The following TRRAP variants were observed in gnomAD, a reference collection of about 807,000 sequenced individuals.
TRRAP encodes transformation/transcription domain-associated protein.
Under a neutral mutation model 438.8 loss-of-function variants are expected in TRRAP, and 41 were observed. The ratio of observed to expected loss-of-function variants is 0.09; its 90% CI spans 0.07 to 0.12. The LOEUF (loss-of-function observed/expected upper bound fraction) is 0.12. TRRAP is among the 10% of genes least tolerant of loss of function. The pLI, the probability that TRRAP is intolerant of heterozygous loss-of-function variation, is 1.00. For synonymous variants in TRRAP, 1,994 were observed against 1,962.9 expected (o/e 1.02, Z -0.42); for missense variants, 3,122 against 5,055.1 (o/e 0.62, Z 11.60).
chr7:98,923,246 C>G (rs1315554035), intron 21 of TRRAP, among the ~76,000 whole-genome samples: 2 of 152,090 alleles, frequency 1.3e-5, no homozygotes, highest in Non-Finnish European at 2.9e-5. Context: ...CAAAAAATTC[C>G]CTTTAGAAGT....
chr7:99,005,121 G>C lies in TRRAP; in HGVS notation c.10536-10G>C, dbSNP rs776484890. 1 of 1,612,656 alleles carries C rather than the reference G, an allele frequency of 6.2e-7. No individual in the cohort carries two copies. The highest frequency in any genetic ancestry group is 2.2e-5 in the East Asian group (1 of 44,890). ...GCAGGGCATGTCCTCATGGCTTCTC[G>C]CTCTGGCAGGTTCATGCCCCGGGTA... On this transcript the variant is annotated splice_polypyrimidine_tract_variant and intron_variant, in intron 68 of 72. Transcript: ENST00000456197. This position sits in a 1 kb window ranked among gnomAD's most constrained non-coding sequence, Gnocchi z 5.1.
intron 62 of TRRAP, among the ~76,000 whole-genome samples, chr7:98,987,631 G>A (rs1793209220): frequency 6.6e-6 from 1 of 152,220 alleles, no homozygotes; most frequent in African/African-American, 2.4e-5. Flanking sequence ...ACTGCAGGTA[G>A]AGATGGACTG....
intron 3 of TRRAP, among the ~76,000 whole-genome samples, chr7:98,884,389 C>G (rs1175350335): frequency 3.9e-5 from 6 of 152,076 alleles, no homozygotes; most frequent in African/African-American, 1.4e-4. Flanking sequence ...TGTGCACCAC[C>G]ATGCCCCACT....
chr7:98,972,322 C>T (rs983635937), intron 53 of TRRAP, among the ~76,000 whole-genome samples: 10 of 152,038 alleles, frequency 6.6e-5, no homozygotes, highest in African/African-American at 1.9e-4. Flanking sequence ...GGATTATAGG[C>T]GTGAAGCAGA....
In TRRAP at chr7:98,994,312, G is replaced by A. The variant is rs560128588; in HGVS notation, c.10048-275G>A. On this transcript the variant is annotated intron_variant, in intron 66 of 72. Coordinates refer to ENST00000456197, the MANE Select transcript of TRRAP (RefSeq NM_001375524.1). This position sits in a 1 kb window ranked among gnomAD's most constrained non-coding sequence, Gnocchi z 4.8. ...AGGGGTTTTGTGGCTAATCGCAGAC[G>A]GGTGTATGATCCAAAAAAGTGGGGC... 8.1e-4 allele frequency among the ~76,000 whole-genome samples: 123 copies of A among 152,282 alleles called. 1 individual carries two copies. Among genetic ancestry groups the A allele is most frequent in the African/African-American group, 2.9e-3 (119 of 41,564 alleles).
intron 58 of TRRAP, among the ~76,000 whole-genome samples, chr7:98,981,353 G>A (rs765071329): frequency 4.5e-4 from 69 of 152,274 alleles, no homozygotes; most frequent in African/African-American, 1.7e-3. Flanking sequence ...AGTGAGCCAC[G>A]ATCACACCAC....
chr7:98,963,865 G>A (rs182043951), intron 47 of TRRAP, among the ~76,000 whole-genome samples: 199 of 152,220 alleles, frequency 1.3e-3, no homozygotes, highest in African/African-American at 4.2e-3. Context: ...CGGATTACTT[G>A]AGGTCAGGAG....
intron 3 of TRRAP, among the ~76,000 whole-genome samples, chr7:98,884,696 C>T (rs1389931476): frequency 6.6e-6 from 1 of 152,186 alleles, no homozygotes; most frequent in Non-Finnish European, 1.5e-5. Flanking sequence ...ATTCCAGCCA[C>T]TTTAGCTCTC....
Position 98,993,692 on chromosome 7 carries a change from C to T in TRRAP, c.10002C>T (p.Gly3334=), listed in dbSNP as rs758358044. The T allele has an allele frequency of 1.2e-6, 2 of 1,614,240 alleles. No individual in the cohort carries two copies. Among genetic ancestry groups the T allele is most frequent in the Non-Finnish European group, 1.7e-6 (2 of 1,180,032 alleles). The change falls in exon 66 of 73, where the codon GGC becomes GGT. Residue 3334 remains glycine (G), a synonymous_variant. Transcript: ENST00000456197. ...LHPTLLSSLE[G]IVDQMVWFRE... Reference sequence around the variant, plus strand: ...CCACCCTTCTGTCTTCCCTGGAAGGCATCGTCGATCAGATGGTCTGGTTCA... The same window carrying T: ...CCACCCTTCTGTCTTCCCTGGAAGGTATCGTCGATCAGATGGTCTGGTTCA...
intron 51 of TRRAP, among the ~76,000 whole-genome samples, chr7:98,969,207 C>T (rs1353417811): frequency 6.6e-6 from 1 of 152,248 alleles, no homozygotes; most frequent in Non-Finnish European, 1.5e-5. Flanking sequence ...TTCCATTGTG[C>T]GTGGCATAAA....
At position 98,976,872 on chromosome 7, in the gene TRRAP, A is replaced by C. The variant is rs1792683583; in HGVS notation, c.8248-67A>C. 1 of 1,605,538 alleles carries C rather than the reference A, an allele frequency of 6.2e-7. No individual in the cohort carries two copies. Among genetic ancestry groups the C allele is most frequent in the Non-Finnish European group, 8.5e-7 (1 of 1,175,054 alleles). ...ATGATTTCAAATGACAGCACAGTGAAACTATTTTTAGGGGGGAAAAAAAGT... is the reference window on the plus strand; with the variant it reads ...ATGATTTCAAATGACAGCACAGTGACACTATTTTTAGGGGGGAAAAAAAGT... On this transcript the variant is annotated intron_variant, in intron 55 of 72. Coordinates refer to ENST00000456197, the MANE Select transcript of TRRAP (RefSeq NM_001375524.1). This position sits in a 1 kb window ranked among gnomAD's most constrained non-coding sequence, Gnocchi z 4.6.
intron 20 of TRRAP, among the ~76,000 whole-genome samples, chr7:98,918,064 C>T (rs956213208): frequency 2.7e-5 from 4 of 149,734 alleles, no homozygotes; most frequent in South Asian, 4.2e-4. Flanking sequence ...GAGGCTGCAG[C>T]GAGGCATGAT....
rs1423928451 is a variant in TRRAP, at chr7:99,012,701, C to T, written c.*346C>T. The T allele has an allele frequency of 3.9e-5, 11 of 282,322 alleles. No individual in the cohort carries two copies. The highest frequency in any genetic ancestry group is 8.8e-5 in the African/African-American group (4 of 45,674). 17.5% of individuals were successfully genotyped at this position (282,322 alleles called of 1,614,324 possible). The stretch of plus-strand genomic sequence containing the variant: ...CTGTGAATGTACAGGCGGAACTGTA[C>T]GAACAGCTCCCTTCCATCCATTTTT... On this transcript the variant is annotated 3_prime_UTR_variant, in exon 73 of 73. Transcript: ENST00000456197. The surrounding 1 kb of genome is among the most constrained non-coding windows in gnomAD (Gnocchi z 5.9).
chr7:98,931,040 G>A (rs1054874948), intron 25 of TRRAP, among the ~76,000 whole-genome samples: 28 of 152,176 alleles, frequency 1.8e-4, no homozygotes, highest in African/African-American at 6.0e-4. Flanking sequence ...CTTTGATAAA[G>A]AACAGTTACA....
At chr7:98,882,954 C>T (rs375295036) in intron 3 of TRRAP, among the ~76,000 whole-genome samples, 9 of 152,348 alleles carry the variant, frequency 5.9e-5, no homozygotes, top group Non-Finnish European at 7.3e-5. Context: ...CCACTGTGCC[C>T]GGCCGAGATG....
At chr7:98,911,985 G>T in intron 17 of TRRAP, 37 bp from the exon 18 acceptor site, 1 of 1,578,504 alleles carries the variant, frequency 6.3e-7, no homozygotes, top group Non-Finnish European at 8.7e-7. Context: ...CTTTGGGGAA[G>T]GGATTAATTT....
intron 47 of TRRAP, among the ~76,000 whole-genome samples, chr7:98,963,483 G>T (rs982610359): frequency 6.6e-6 from 1 of 152,218 alleles, no homozygotes; most frequent in Non-Finnish European, 1.5e-5. Flanking sequence ...TCTGTGGGGT[G>T]TCGAAGGCCG....
rs542575895 is a variant in TRRAP at position 98,991,010 on chromosome 7, T to C, written c.9756+391T>C. Among the ~76,000 whole-genome samples, 21 of 152,342 alleles carry C rather than the reference T, an allele frequency of 1.4e-4. No homozygotes were observed. In the South Asian group the frequency reaches 2.5e-3, roughly 18 times the overall value. The stretch of plus-strand genomic sequence containing the variant: ...TCATATGCTGGGAGCTCTTCGGAGC[T>C]GCCCTTAAACTAAAACATGCCCAAT... On this transcript the variant is annotated intron_variant, in intron 64 of 72. Transcript: ENST00000456197.
chr7:99,008,481 A>G lies in TRRAP; in HGVS notation c.10858A>G (p.Ile3620Val). The G allele has an allele frequency of 1.2e-6, 2 of 1,614,230 alleles. No individual in the cohort carries two copies. The highest frequency in any genetic ancestry group is 8.5e-7 in the Non-Finnish European group (1 of 1,180,046). The change falls in exon 70 of 73, where the codon ATC becomes GTC. Residue 3620 changes from isoleucine to valine, a missense_variant. Ile to Val is a conservative substitution (Grantham distance 29, BLOSUM62 3). Coordinates refer to ENST00000456197, the MANE Select transcript of TRRAP (RefSeq NM_001375524.1). The stretch of plus-strand genomic sequence containing the variant: ...CAAGCAGCGCTGCGCCAAGAAGGGC[A>G]TCGAGCATGACAACCCCATCTCCCG... Reference protein sequence around the residue: ...IYKQRCAKKGIEHDNPISRYY... With the variant: ...IYKQRCAKKGVEHDNPISRYY...
Sources: allele counts gnomAD v4.1 joint callset (sites outside exome capture counted in the v4.1 genomes callset), GRCh38; gene constraint gnomAD v4.1.1; non-coding constraint Gnocchi (gnomAD v3.1); transcripts MANE v1.5; gene names NCBI Gene and HGNC (gene_info 2026-07-23, HGNC 2026-07-21).